Variants in TFDP2 observed in about 807,000 individuals in gnomAD.
TFDP2 encodes the protein transcription factor Dp-2 (E2F dimerization partner 2).
In TFDP2, 17 loss-of-function variants were observed where a neutral mutation model predicts 59.3. That is an observed-to-expected ratio of 0.29 (90% CI 0.20 to 0.43). TFDP2 has a LOEUF of 0.43. TFDP2 is among the 20% of genes least tolerant of loss of function. TFDP2 has a pLI of 1.00. For synonymous variants in TFDP2, 180 were observed against 194.7 expected (o/e 0.92, Z 0.63); for missense variants, 391 against 528.8 (o/e 0.74, Z 2.56).
intron 4 of TFDP2, among the ~76,000 whole-genome samples, chr3:141,997,004 T>G (rs959666410): frequency 6.6e-6 from 1 of 152,240 alleles, no homozygotes; most frequent in Non-Finnish European, 1.5e-5. Context: ...AATGTGTCTG[T>G]ACCTCTCATC....
chr3:142,111,915 A>G (rs960613413), intron 1 of TFDP2, among the ~76,000 whole-genome samples: 3 of 152,070 alleles, frequency 2.0e-5, no homozygotes, highest in Non-Finnish European at 4.4e-5. Flanking sequence ...AAAATACAAA[A>G]ATTAGCTGGA....
chr3:142,087,519 G>A lies in TFDP2; in HGVS notation c.82+5542C>T, dbSNP rs572015629. ...ACTTCTTTTCTTTTTTTTTTTTTTT[G>A]AGACAGGGCCTCACTCTGTCACCTA... On this transcript the variant is annotated intron_variant, in intron 3 of 12. Transcript: ENST00000489671. Among the ~76,000 whole-genome samples, 4 of 89,460 alleles carry A rather than the reference G, an allele frequency of 4.5e-5. No homozygotes were observed. In the East Asian group the frequency reaches 1.3e-3, roughly 29 times the overall value. The allele number at this position is 89,460 out of a possible 152,430, so 58.7% of individuals were successfully genotyped here.
At chr3:141,999,727 G>T (rs1943594460) in intron 4 of TFDP2, among the ~76,000 whole-genome samples, 1 of 151,618 alleles carries the variant, frequency 6.6e-6, no homozygotes, top group Non-Finnish European at 1.5e-5. Flanking sequence ...AGTTTGTAAT[G>T]CAAGAATTCC....
At chr3:142,002,291 G>T (rs1299402938) in intron 4 of TFDP2, among the ~76,000 whole-genome samples, 1 of 150,442 alleles carries the variant, frequency 6.6e-6, no homozygotes, top group Non-Finnish European at 1.5e-5. Flanking sequence ...CACTGCACCC[G>T]GCCTAGCTAA....
intron 9 of TFDP2, among the ~76,000 whole-genome samples, chr3:141,966,459 C>T (rs764813515): frequency 3.3e-5 from 5 of 151,878 alleles, no homozygotes; most frequent in Admixed American, 1.3e-4. Flanking sequence ...ACATGAGCCA[C>T]TGCACCTGGT....
At chr3:141,966,030 C>T (rs1937994042) in intron 9 of TFDP2, among the ~76,000 whole-genome samples, 1 of 151,836 alleles carries the variant, frequency 6.6e-6, no homozygotes, top group Admixed American at 6.6e-5. Context: ...CAAGAGGACC[C>T]TGGTATATGG....
intron 1 of TFDP2, among the ~76,000 whole-genome samples, chr3:142,140,833 C>T (rs553350639): frequency 1.2e-4 from 19 of 152,276 alleles, no homozygotes; most frequent in Admixed American, 5.9e-4. Flanking sequence ...TTAGGCTACA[C>T]GGGTGTCAGG....
rs1945715752 is a variant in TFDP2, at chr3:142,022,767, A to T, written c.83-17223T>A. Among the ~76,000 whole-genome samples, 3 of 152,228 alleles carry T rather than the reference A, an allele frequency of 2.0e-5. No homozygotes were observed. The East Asian group carries it at 5.8e-4, about 29-fold the overall frequency. On this transcript the variant is annotated intron_variant, in intron 3 of 12. Coordinates refer to ENST00000489671, the MANE Select transcript of TFDP2 (RefSeq NM_001178139.2). ...ATCCTTTTAAATTTACAGTTAAGTG[A>T]GATATTTTTCTAATATTTATAAGAG...
intron 4 of TFDP2, among the ~76,000 whole-genome samples, chr3:142,002,457 C>G (rs1020633117): frequency 3.3e-5 from 5 of 151,850 alleles, no homozygotes; most frequent in Non-Finnish European, 5.9e-5. Context: ...CTGGGCCCAG[C>G]CTTTTGCTAC....
chr3:142,027,815 A>G (rs1423872413), intron 3 of TFDP2, among the ~76,000 whole-genome samples: 2 of 152,184 alleles, frequency 1.3e-5, no homozygotes, highest in East Asian at 3.8e-4. Context: ...AGATTCATAT[A>G]GCATCTTGTA....
intron 1 of TFDP2, among the ~76,000 whole-genome samples, chr3:142,137,818 A>G (rs1361316401): frequency 6.6e-6 from 1 of 152,202 alleles, no homozygotes; most frequent in Non-Finnish European, 1.5e-5. Flanking sequence ...AATGTTCAAC[A>G]GGGATATTGG....
At chr3:142,045,437 GGT>G (rs1247490293) in intron 3 of TFDP2, among the ~76,000 whole-genome samples, 2 of 152,062 alleles carry the variant, frequency 1.3e-5, no homozygotes, top group Non-Finnish European at 2.9e-5. Context: ...TGCGATTACA[GGT>G]GTGAGCCACC....
intron 1 of TFDP2, among the ~76,000 whole-genome samples, chr3:142,110,900 CCA>C (rs2061633760): frequency 6.6e-6 from 1 of 151,830 alleles, no homozygotes; most frequent in Non-Finnish European, 1.5e-5. Flanking sequence ...CTGCAGTGAG[CCA>C]TGATCATGCC....
intron 6 of TFDP2, among the ~76,000 whole-genome samples, 173 bp from the exon 7 acceptor site, chr3:141,978,855 G>T (rs796958681): frequency 1.3e-5 from 2 of 152,148 alleles, no homozygotes; most frequent in African/African-American, 4.8e-5. Flanking sequence ...TGCCTTAAAG[G>T]TCTAATAAAG....
intron 1 of TFDP2, among the ~76,000 whole-genome samples, chr3:142,110,704 C>T (rs2061624609): frequency 6.6e-6 from 1 of 152,166 alleles, no homozygotes; most frequent in Non-Finnish European, 1.5e-5. Flanking sequence ...GTAATCCCAG[C>T]ACTTTGGGAG....
chr3:141,987,892 T>C (rs1942293388), intron 6 of TFDP2, among the ~76,000 whole-genome samples: 1 of 148,710 alleles, frequency 6.7e-6, no homozygotes, highest in Non-Finnish European at 1.5e-5. Context: ...TGGGCTGAGA[T>C]TGTGCCACTG....
chr3:142,075,308 GAA>G (rs1208817101), intron 3 of TFDP2, among the ~76,000 whole-genome samples: 1 of 152,142 alleles, frequency 6.6e-6, no homozygotes. Flanking sequence ...TGATATATCT[GAA>G]AAGAGGTTAA....
chr3:141,959,377 T>C (rs1403690339), intron 11 of TFDP2, among the ~76,000 whole-genome samples: 1 of 152,162 alleles, frequency 6.6e-6, no homozygotes, highest in Non-Finnish European at 1.5e-5. Flanking sequence ...CTAACTAGGC[T>C]CTAAGCTAGG....
chr3:142,097,045 C>T (rs1018575404), intron 2 of TFDP2, among the ~76,000 whole-genome samples: 4 of 152,074 alleles, frequency 2.6e-5, no homozygotes, highest in African/African-American at 9.7e-5. Context: ...ATGCAAATGA[C>T]CAATAAACAT....
Sources: allele counts gnomAD v4.1 joint callset (sites outside exome capture counted in the v4.1 genomes callset), GRCh38; gene constraint gnomAD v4.1.1; transcripts MANE v1.5; gene names NCBI Gene and HGNC (gene_info 2026-07-23, HGNC 2026-07-21).